The following SHISA9 variants were observed in gnomAD, a reference collection of about 807,000 sequenced individuals.
The protein encoded by SHISA9 is shisa family member 9, also known as protein shisa-9.
In SHISA9, 13 loss-of-function variants were observed where a neutral mutation model predicts 38.0. The ratio of observed to expected loss-of-function variants is 0.34; its 90% CI spans 0.22 to 0.54. SHISA9 has a LOEUF of 0.54. Ranked by LOEUF, SHISA9 falls within the 20% of genes least tolerant of loss-of-function variation. The pLI is 0.91. For missense variants in SHISA9, 538 were observed against 575.8 expected, an observed-to-expected ratio of 0.93 and a Z score of 0.67; for synonymous variants, 275 against 242.0, an observed-to-expected ratio of 1.14 and a Z score of -1.27.
At chr16:13,363,199 A>G in the SHISA9 span, among the ~76,000 whole-genome samples, 1 of 152,246 alleles carries the variant, frequency 6.6e-6, no homozygotes, top group East Asian at 1.9e-4. Context: ...CATAAGCACA[A>G]CATGGAAATT....
the SHISA9 span, among the ~76,000 whole-genome samples, chr16:13,367,743 CA>C: frequency 1.1e-4 from 16 of 149,432 alleles, no homozygotes; most frequent in African/African-American, 3.5e-4. Context: ...CACACACACA[CA>C]CACACCCCTG....
At chr16:12,909,838 T>TACCTTC in intron 1 of SHISA9, 1 of 136,014 alleles carries the variant, frequency 7.4e-6, no homozygotes, top group African/African-American at 2.6e-5. Flanking sequence ...CTTCCCTCCT[T>TACCTTC]CCCTTCCCCT....
the SHISA9 span, among the ~76,000 whole-genome samples, chr16:13,439,419 C>A: frequency 6.6e-6 from 1 of 152,178 alleles, no homozygotes; most frequent in East Asian, 1.9e-4. Context: ...TGTTAATTAA[C>A]TTGATTGTGG....
the SHISA9 span, among the ~76,000 whole-genome samples, chr16:13,429,633 G>A: frequency 1.3e-5 from 2 of 152,150 alleles, no homozygotes; most frequent in Non-Finnish European, 2.9e-5. Flanking sequence ...AGGTCACACT[G>A]TGATGACCTG....
At chr16:13,524,954 T>C in the SHISA9 span, among the ~76,000 whole-genome samples, 2 of 152,126 alleles carry the variant, frequency 1.3e-5, no homozygotes, top group Non-Finnish European at 2.9e-5. Context: ...CAACCCAAAA[T>C]GTTTCCAGAC....
At chr16:13,033,032 G>T (rs987210763) in intron 2 of SHISA9, among the ~76,000 whole-genome samples, 31 of 152,170 alleles carry the variant, frequency 2.0e-4, no homozygotes, top group African/African-American at 6.8e-4. Flanking sequence ...GGCTTTCTTC[G>T]CATGGTGACC....
At chr16:13,452,947 C>T in the SHISA9 span, among the ~76,000 whole-genome samples, 1 of 151,890 alleles carries the variant, frequency 6.6e-6, no homozygotes, top group African/African-American at 2.4e-5. Context: ...CTCACTCTGT[C>T]ACCCAGGCTG....
At chr16:12,911,256 C>T (rs560238079) in intron 1 of SHISA9, 6 of 985,304 alleles carry the variant, frequency 6.1e-6, no homozygotes, top group East Asian at 1.1e-4. Context: ...CTGGATGCAC[C>T]GTAACATCTG....
At chr16:13,479,824 G>A in the SHISA9 span, among the ~76,000 whole-genome samples, 1 of 152,180 alleles carries the variant, frequency 6.6e-6, no homozygotes, top group South Asian at 2.1e-4. Context: ...CCCTTTGTCA[G>A]GGATTCCCAT....
chr16:13,550,847 GGT>G, the SHISA9 span, among the ~76,000 whole-genome samples: 2 of 151,928 alleles, frequency 1.3e-5, no homozygotes, highest in Admixed American at 1.3e-4. Context: ...GCACAGGCCA[GGT>G]GCAGTGGCTC....
intron 2 of SHISA9, among the ~76,000 whole-genome samples, chr16:13,127,322 G>C (rs963879669): frequency 2.1e-5 from 3 of 140,888 alleles, no homozygotes; most frequent in Non-Finnish European, 4.7e-5. Context: ...GGGAGGGAGA[G>C]AGATGAAGGG....
chr16:12,956,937 T>C (rs1409523890), intron 2 of SHISA9, among the ~76,000 whole-genome samples: 1 of 152,234 alleles, frequency 6.6e-6, no homozygotes, highest in Non-Finnish European at 1.5e-5. Flanking sequence ...GATATATGTT[T>C]ATTAACAATA....
chr16:13,419,707 T>A, the SHISA9 span, among the ~76,000 whole-genome samples: 1 of 152,342 alleles, frequency 6.6e-6, no homozygotes, highest in East Asian at 1.9e-4. Flanking sequence ...GGTCACACAA[T>A]TTTTATAGCA....
chr16:13,412,329 T>A, the SHISA9 span, among the ~76,000 whole-genome samples: 1 of 152,140 alleles, frequency 6.6e-6, no homozygotes, highest in Admixed American at 6.5e-5. Context: ...ATTTCCCCGA[T>A]GAAAATAGGG....
the SHISA9 span, among the ~76,000 whole-genome samples, chr16:13,262,600 G>A: frequency 7.0e-6 from 1 of 142,372 alleles, no homozygotes; most frequent in Non-Finnish European, 1.5e-5. Flanking sequence ...ATTCTGGCCC[G>A]GTGAGTAAGT....
At chr16:13,380,259 A>G in the SHISA9 span, among the ~76,000 whole-genome samples, 1 of 152,208 alleles carries the variant, frequency 6.6e-6, no homozygotes, top group Non-Finnish European at 1.5e-5. Context: ...GTATCAAAAG[A>G]TGTCCTTTCT....
the SHISA9 span, among the ~76,000 whole-genome samples, chr16:13,544,558 G>A: frequency 6.6e-6 from 1 of 150,904 alleles, no homozygotes; most frequent in Non-Finnish European, 1.5e-5. Context: ...TTACTATCCT[G>A]GCTGGGATTT....
chr16:13,238,292 G>C lies in SHISA9; in HGVS notation c.*2883G>C, dbSNP rs942798080. On this transcript the variant is annotated 3_prime_UTR_variant, in exon 5 of 5. Coordinates refer to ENST00000558583, the MANE Select transcript of SHISA9 (RefSeq NM_001145204.3). ...CCTATGCAAGTCAGTGTTGAACAAT[G>C]CTGTAGCTATGTACTGCCTATGATC... is the stretch of plus-strand genomic sequence containing the variant. 1.3e-5 allele frequency: 2 copies of C among 152,222 alleles called. No individual in the cohort carries two copies. Among genetic ancestry groups the C allele is most frequent in the Admixed American group, 6.5e-5 (1 of 15,284 alleles). 9.4% of individuals were successfully genotyped at this position (152,222 alleles called of 1,614,324 possible). A position where few individuals can be genotyped will look rare whatever the true frequency, so the allele number is the denominator to read the frequency against.
chr16:13,548,869 A>G, the SHISA9 span, among the ~76,000 whole-genome samples: 5 of 152,202 alleles, frequency 3.3e-5, no homozygotes, highest in African/African-American at 1.2e-4. Flanking sequence ...GGGTATATAT[A>G]CAAAGAAAAT....
Sources: allele counts gnomAD v4.1 joint callset (sites outside exome capture counted in the v4.1 genomes callset), GRCh38; gene constraint gnomAD v4.1.1; transcripts MANE v1.5; gene names NCBI Gene and HGNC (gene_info 2026-07-23, HGNC 2026-07-21).